SORCS3: variants seen among roughly 807,000 people sequenced by gnomAD.
SORCS3 encodes sortilin related VPS10 domain containing receptor 3.
SORCS3 carries 57 observed loss-of-function variants against 146.3 expected under a neutral mutation model. The observed-to-expected ratio is 0.39, with a 90% CI of 0.31 to 0.49. SORCS3 has a LOEUF of 0.49. Among genes scored for constraint, SORCS3 ranks in the 20% least tolerant of loss-of-function variants. The probability of loss-of-function intolerance (pLI) is 0.92; values close to 1 mark genes in which losing one functional copy is unlikely to be tolerated. For synonymous variants in SORCS3, 653 were observed against 618.5 expected (o/e 1.06, Z -0.83); for missense variants, 1,341 against 1,575.5 (o/e 0.85, Z 2.52).
chr10:104,667,656 G>A (rs2015797996), intron 1 of SORCS3, among the ~76,000 whole-genome samples: 1 of 152,200 alleles, frequency 6.6e-6, no homozygotes, highest in Non-Finnish European at 1.5e-5. Context: ...CAAGTAACAA[G>A]TGAGCATTAA....
chr10:104,825,445 A>C (rs2017924555), intron 1 of SORCS3, among the ~76,000 whole-genome samples: 1 of 152,184 alleles, frequency 6.6e-6, no homozygotes, highest in Non-Finnish European at 1.5e-5. Flanking sequence ...GAAACAGATC[A>C]CTTATATTAA....
chr10:105,165,675 G>A (rs532070368), intron 12 of SORCS3, among the ~76,000 whole-genome samples: 1 of 152,168 alleles, frequency 6.6e-6, no homozygotes, highest in African/African-American at 2.4e-5. Flanking sequence ...CCTATTACGA[G>A]AGCCAAAGGA....
At chr10:105,079,244 C>T (rs2055608042) in intron 5 of SORCS3, among the ~76,000 whole-genome samples, 2 of 152,182 alleles carry the variant, frequency 1.3e-5, no homozygotes, top group South Asian at 2.1e-4. Context: ...GACTATTGCT[C>T]CAGACCAATT....
chr10:105,063,440 C>T (rs2055501128), intron 5 of SORCS3, among the ~76,000 whole-genome samples: 2 of 152,244 alleles, frequency 1.3e-5, no homozygotes, highest in Non-Finnish European at 2.9e-5. Flanking sequence ...GCTGATGTTA[C>T]TAATAATTAT....
At chr10:104,786,944 A>T (rs573001637) in intron 1 of SORCS3, among the ~76,000 whole-genome samples, 1 of 152,188 alleles carries the variant, frequency 6.6e-6, no homozygotes, top group Non-Finnish European at 1.5e-5. Flanking sequence ...GCAGAATGCT[A>T]TGGAAATTCC....
intron 7 of SORCS3, among the ~76,000 whole-genome samples, chr10:105,109,180 A>G (rs1745394330): frequency 1.3e-5 from 2 of 152,116 alleles, no homozygotes; most frequent in Non-Finnish European, 1.5e-5. Flanking sequence ...TTGAATTTCT[A>G]ATTTTCTCCC....
At chr10:105,217,849 C>T (rs1174930781) in intron 19 of SORCS3, 6 of 453,818 alleles carry the variant, frequency 1.3e-5, no homozygotes, top group Admixed American at 7.1e-5. Flanking sequence ...TTTAGGATGT[C>T]GGGTCGAGGA....
chr10:104,818,384 C>CCTTCCTTT (rs1180360884), intron 1 of SORCS3, among the ~76,000 whole-genome samples: 14 of 150,928 alleles, frequency 9.3e-5, no homozygotes, highest in African/African-American at 3.4e-4. Flanking sequence ...TTCCTTCCTT[C>CCTTCCTTT]CTTCCTTCCT....
At chr10:104,733,263 G>C (rs1033214616) in intron 1 of SORCS3, among the ~76,000 whole-genome samples, 1 of 152,154 alleles carries the variant, frequency 6.6e-6, no homozygotes, top group African/African-American at 2.4e-5. Context: ...AGGCCACCAA[G>C]CTAGTTCTCA....
intron 18 of SORCS3, among the ~76,000 whole-genome samples, chr10:105,216,401 T>C (rs1009978558): frequency 6.6e-6 from 1 of 152,070 alleles, no homozygotes; most frequent in Non-Finnish European, 1.5e-5. Context: ...GGCATTATTA[T>C]TGAAACCAGA....
At chr10:105,263,278 C>G in intron 26 of SORCS3, 32 bp from the exon 27 acceptor site, 1 of 1,608,692 alleles carries the variant, frequency 6.2e-7, no homozygotes, top group South Asian at 1.1e-5. Flanking sequence ...GAACTCACAT[C>G]CATTTCTCCC....
At chr10:104,874,618 G>C (rs1286529565) in intron 2 of SORCS3, among the ~76,000 whole-genome samples, 1 of 152,060 alleles carries the variant, frequency 6.6e-6, no homozygotes, top group African/African-American at 2.4e-5. Flanking sequence ...ATATGTAATT[G>C]GGATGGGTAG....
chr10:105,162,237 T>C (rs75947964), intron 11 of SORCS3, among the ~76,000 whole-genome samples: 4,526 of 152,264 alleles, frequency 0.03, 76 homozygotes, highest in South Asian at 0.061. Flanking sequence ...TGTTTAAAAC[T>C]TCCAAAAAGG....
intron 1 of SORCS3, among the ~76,000 whole-genome samples, chr10:104,642,224 G>A (rs766453253): frequency 1.6e-4 from 24 of 152,282 alleles, no homozygotes; most frequent in Admixed American, 4.6e-4. Flanking sequence ...AGATGAGTGG[G>A]GGAGGGATCT....
At position 104,641,404 on chromosome 10, in the gene SORCS3, C is replaced by T. The variant is rs758640408; in HGVS notation, c.77C>T (p.Ser26Leu). Residue 26 changes from serine to leucine, a missense_variant, in exon 1 of 27, where the codon TCG (serine) becomes TTG (leucine). Physicochemically the swap from Ser to Leu is moderately radical, Grantham distance 145. Transcript: ENST00000369701. This position sits in a 1 kb window ranked among gnomAD's most constrained non-coding sequence, Gnocchi z 6.4. Reference protein sequence around the residue: ...PLVRTGLLLLSTWVLAGAEIT... With the variant: ...PLVRTGLLLLLTWVLAGAEIT... ...GTCCGGACGGGGCTCCTACTCTTGT[C>T]GACGTGGGTCCTGGCCGGCGCCGAG... 1.6e-5 allele frequency: 24 copies of T among 1,461,434 alleles called. No individual in the cohort carries two copies. The South Asian group carries it at 3.0e-4, about 18-fold the overall frequency. 90.5% of individuals were successfully genotyped at this position (1,461,434 alleles called of 1,614,324 possible).
intron 14 of SORCS3, among the ~76,000 whole-genome samples, chr10:105,188,833 G>A (rs1026987842): frequency 1.3e-5 from 2 of 152,196 alleles, no homozygotes; most frequent in Non-Finnish European, 2.9e-5. Flanking sequence ...ATGACATCCA[G>A]CCAGTAAAAG....
At chr10:104,807,817 A>G (rs569098018) in intron 1 of SORCS3, among the ~76,000 whole-genome samples, 2 of 152,256 alleles carry the variant, frequency 1.3e-5, no homozygotes, top group South Asian at 4.1e-4. Flanking sequence ...TGCATGAGGG[A>G]GTTGTCCTCA....
chr10:105,125,524 TCTC>T (rs552506264), intron 7 of SORCS3, among the ~76,000 whole-genome samples: 121 of 152,222 alleles, frequency 7.9e-4, no homozygotes, highest in African/African-American at 2.3e-3. Context: ...ACTGCATGAT[TCTC>T]CTCCTTAAAC....
At position 105,125,031 on chromosome 10, in the gene SORCS3, C is replaced by T. The variant is rs538061718; in HGVS notation, c.1213-14366C>T. Among the ~76,000 whole-genome samples, 4 of 152,320 alleles carry T rather than the reference C, an allele frequency of 2.6e-5. No individual in the cohort carries two copies. In the South Asian group the frequency reaches 8.3e-4, roughly 32 times the overall value. Reference sequence around the variant, plus strand: ...TGATTGTATTCATTATTTCATTGTGCTACATAGTTTCTTCTTAGGTGTTCT... The same window carrying T: ...TGATTGTATTCATTATTTCATTGTGTTACATAGTTTCTTCTTAGGTGTTCT... On this transcript the variant is annotated intron_variant, in intron 7 of 26. Coordinates refer to ENST00000369701, the MANE Select transcript of SORCS3 (RefSeq NM_014978.3).
Sources: gnomAD v4.1 joint callset for allele counts (sites outside exome capture counted in the v4.1 genomes callset) on GRCh38, gnomAD v4.1.1 for gene constraint, Gnocchi (gnomAD v3.1) non-coding constraint, MANE v1.5 for transcripts, NCBI Gene and HGNC (gene_info 2026-07-23, HGNC 2026-07-21) for gene names.